VIL1: variants seen among roughly 807,000 people sequenced by gnomAD.
VIL1 encodes the protein villin 1.
VIL1 carries 86 observed loss-of-function variants against 104.0 expected under a neutral mutation model. The observed-to-expected ratio is 0.83, with a 90% CI of 0.69 to 0.99. The LOEUF (loss-of-function observed/expected upper bound fraction) is 0.99, where lower values mean the gene tolerates loss of function less well. Among genes scored for constraint, VIL1 ranks in the 50% least tolerant of loss-of-function variants. The pLI is 0.00. For synonymous variants in VIL1, 394 were observed against 412.6 expected, an observed-to-expected ratio of 0.95 and a Z score of 0.55; for missense variants, 944 against 1,054.1, an observed-to-expected ratio of 0.90 and a Z score of 1.45.
At chr2:218,447,267 C>T (rs537931096) in intron 19 of VIL1, among the ~76,000 whole-genome samples, 8 of 152,318 alleles carry the variant, frequency 5.3e-5, no homozygotes, top group African/African-American at 1.7e-4. Context: ...GAGACTTCTC[C>T]TGAGGGTGAC....
chr2:218,426,871 G>A (rs1375662934), intron 4 of VIL1, among the ~76,000 whole-genome samples: 2 of 152,134 alleles, frequency 1.3e-5, no homozygotes, highest in Admixed American at 6.5e-5. Flanking sequence ...CAAAGTGCTG[G>A]GATTACAGGC....
chr2:218,436,513 C>T lies in VIL1; in HGVS notation c.1858C>T (p.Arg620Trp), dbSNP rs138942151. The change falls in exon 16 of 20, where the codon CGG becomes TGG. Residue 620 changes from arginine to tryptophan, a missense_variant. Physicochemically the swap from Arg to Trp is moderately radical, Grantham distance 101. Coordinates refer to ENST00000248444, the MANE Select transcript of VIL1 (RefSeq NM_007127.3). ...LQEENLVITPRLFECSNKTGR... is the reference protein window; with the variant it reads ...LQEENLVITPWLFECSNKTGR... The stretch of plus-strand genomic sequence containing the variant: ...GGAAGAAAACCTGGTCATCACCCCC[C>T]GGCTCTTTGAGTGTTCCAACAAGAC... The T allele has an allele frequency of 2.8e-5, 45 of 1,613,950 alleles. No individual in the cohort carries two copies. The highest frequency in any genetic ancestry group is 4.5e-5 in the East Asian group (2 of 44,894).
At position 218,437,185 on chromosome 2, in the gene VIL1, C is replaced by A. The variant is rs1218421305; in HGVS notation, c.2033C>A (p.Ala678Glu). The part of the protein sequence containing the change: ...EEEKKAAATT[A>E]QEYLKTHPSG... ...GAGAAGAAGGCCGCAGCAACCACTG[C>A]ACAGGAATACCTCAAGACCCATCCC... is the stretch of plus-strand genomic sequence containing the variant. The change falls in exon 17 of 20, where the codon GCA (alanine) becomes GAA (glutamate). Residue 678 changes from alanine (A) to glutamate (E), a missense_variant. By Grantham distance (107) the Ala-to-Glu change is moderately radical. Coordinates refer to ENST00000248444, the MANE Select transcript of VIL1 (RefSeq NM_007127.3). The A allele has an allele frequency of 6.2e-7, 1 of 1,614,188 alleles. No homozygotes were observed. Among genetic ancestry groups the A allele is most frequent in the East Asian group, 2.2e-5 (1 of 44,882 alleles).
chr2:218,426,517 G>T (rs900743950), intron 4 of VIL1, among the ~76,000 whole-genome samples: 5 of 152,154 alleles, frequency 3.3e-5, no homozygotes, highest in Non-Finnish European at 7.3e-5. Flanking sequence ...CTCCCAAGGT[G>T]CTGGGATTAT....
At chr2:218,444,259 C>CTATAATA (rs1243242866) in intron 19 of VIL1, among the ~76,000 whole-genome samples, 2 of 152,064 alleles carry the variant, frequency 1.3e-5, no homozygotes, top group Non-Finnish European at 2.9e-5. Context: ...CATGAGCCAC[C>CTATAATA]ACACCTGGAC....
At chr2:218,437,423 G>T (rs993283517) in intron 17 of VIL1, 111 bp downstream of exon 17, 2 of 1,361,292 alleles carry the variant, frequency 1.5e-6, no homozygotes, top group East Asian at 5.0e-5. Context: ...ATTTAGAAAG[G>T]GGCTAGAGGA....
intron 18 of VIL1, among the ~76,000 whole-genome samples, chr2:218,439,969 G>A (rs962561402): frequency 6.6e-6 from 1 of 152,160 alleles, no homozygotes; most frequent in Non-Finnish European, 1.5e-5. Flanking sequence ...TCTGAGGAAT[G>A]TGTCCAGAAT....
Position 218,438,700 on chromosome 2 carries a change from T to G in VIL1, c.2203T>G (p.Ser735Ala). The change falls in exon 18 of 20, where the codon TCT becomes GCT. Residue 735 changes from serine (S) to alanine (A), a missense_variant. Physicochemically the swap from Ser to Ala is moderately conservative, Grantham distance 99. Transcript: ENST00000248444. ...YEDLKAELGN[S>A]RDWSQITAEV... Reference sequence around the variant, plus strand: ...GGACCTGAAGGCGGAGCTTGGCAACTCTAGGGACTGGAGCCAGATCACTGC... The same window carrying G: ...GGACCTGAAGGCGGAGCTTGGCAACGCTAGGGACTGGAGCCAGATCACTGC... 1 of 1,612,618 alleles carries G rather than the reference T, an allele frequency of 6.2e-7. No individual in the cohort carries two copies. The highest frequency in any genetic ancestry group is 8.5e-7 in the Non-Finnish European group (1 of 1,179,722).
At chr2:218,427,393 G>A (rs1034444935) in intron 4 of VIL1, among the ~76,000 whole-genome samples, 5 of 150,468 alleles carry the variant, frequency 3.3e-5, no homozygotes, top group South Asian at 4.2e-4. Context: ...GTGCGATCTC[G>A]GCTCACTGCA....
chr2:218,430,714 T>C lies in VIL1; in HGVS notation c.949-11T>C, dbSNP rs1360094177. ...AGGTGCATAGCTTCCAGCCACCCCT[T>C]TCTCTTCCAGAACTTCATCAAAGCC... is the stretch of plus-strand genomic sequence containing the variant. On this transcript the variant is annotated splice_polypyrimidine_tract_variant and intron_variant, in intron 9 of 19. Transcript: ENST00000248444. The C allele has an allele frequency of 6.4e-7, 1 of 1,569,852 alleles. No individual in the cohort carries two copies. Among genetic ancestry groups the C allele is most frequent in the Non-Finnish European group, 8.7e-7 (1 of 1,155,858 alleles).
chr2:218,432,101 A>ACTTCTAT lies in VIL1; in HGVS notation c.1260_1266dup (p.Gly423LeufsTer35), dbSNP rs761208535. On this transcript the variant is annotated frameshift_variant, in exon 12 of 20. Transcript: ENST00000248444. LOFTEE classifies it high-confidence loss of function. ...CCTGTGGATTCCAAGTGGCTAGGCC[A>ACTTCTAT]CTTCTATGGGGGCGACTGCTACCTG... 4 of 1,614,000 alleles carry ACTTCTAT rather than the reference A, an allele frequency of 2.5e-6. No individual in the cohort carries two copies. The highest frequency in any genetic ancestry group is 3.4e-6 in the Non-Finnish European group (4 of 1,179,974).
chr2:218,425,524 G>A, intron 3 of VIL1, 91 bp from the exon 4 acceptor site: 2 of 1,391,086 alleles, frequency 1.4e-6, no homozygotes, highest in East Asian at 2.3e-5. Context: ...CTCCCCCATA[G>A]TCCTGGACGG....
chr2:218,431,148 A>C (rs1689089727), intron 10 of VIL1: 2 of 554,036 alleles, frequency 3.6e-6, no homozygotes, highest in South Asian at 5.0e-5. Flanking sequence ...CAGGAGTTTG[A>C]GATTAGCCTA....
Position 218,450,265 on chromosome 2 carries a change from G to C in VIL1, c.*929G>C, listed in dbSNP as rs1376657597. 2 of 152,146 alleles carry C rather than the reference G, an allele frequency of 1.3e-5. No individual in the cohort carries two copies. Among genetic ancestry groups the C allele is most frequent in the African/African-American group, 2.4e-5 (1 of 41,380 alleles). 9.4% of individuals were successfully genotyped at this position (152,146 alleles called of 1,614,324 possible). On this transcript the variant is annotated 3_prime_UTR_variant, in exon 20 of 20. Transcript: ENST00000248444. ...GTCAAATCAAAGAAGGTTAATAAAG[G>C]CTTTAATTTCATACACACAAAAAAA...
intron 13 of VIL1, 26 bp from the exon 14 acceptor site, chr2:218,434,500 T>A: frequency 1.3e-6 from 2 of 1,594,180 alleles, no homozygotes; most frequent in South Asian, 1.1e-5. Context: ...TGACTCTCTC[T>A]CCCTGTCTTC....
intron 19 of VIL1, among the ~76,000 whole-genome samples, chr2:218,447,373 A>G (rs1023689145): frequency 6.6e-6 from 1 of 152,146 alleles, no homozygotes; most frequent in African/African-American, 2.4e-5. Context: ...GCTGGAGTAC[A>G]ATGGCACTAT....
At position 218,432,338 on chromosome 2, in the gene VIL1, G is replaced by A. The variant is rs115234039; in HGVS notation, c.1341+155G>A. On this transcript the variant is annotated intron_variant, in intron 12 of 19. Coordinates refer to ENST00000248444, the MANE Select transcript of VIL1 (RefSeq NM_007127.3). ...CTGCTTTGGCTATGAGGTCCCGCTAGTACCCCCATTCACAGCCCTTTTCCT... is the reference window on the plus strand; with the variant it reads ...CTGCTTTGGCTATGAGGTCCCGCTAATACCCCCATTCACAGCCCTTTTCCT... Among the ~76,000 whole-genome samples the A allele has an allele frequency of 6.5e-3, 989 of 152,250 alleles. 11 individuals carry two copies. The highest frequency in any genetic ancestry group is 0.023 in the African/African-American group (942 of 41,536).
chr2:218,439,353 T>C (rs1689245399), intron 18 of VIL1, among the ~76,000 whole-genome samples: 1 of 152,156 alleles, frequency 6.6e-6, no homozygotes, highest in Admixed American at 6.5e-5. Flanking sequence ...AGACTTAGAA[T>C]TGGCACCTAG....
chr2:218,437,859 T>G (rs922439397), intron 17 of VIL1, among the ~76,000 whole-genome samples: 1 of 152,056 alleles, frequency 6.6e-6, no homozygotes, highest in African/African-American at 2.4e-5. Context: ...TGGCCCCACA[T>G]AGAAGCAAGG....
Sources: allele counts gnomAD v4.1 joint callset (sites outside exome capture counted in the v4.1 genomes callset), GRCh38; gene constraint gnomAD v4.1.1; transcripts MANE v1.5; gene names NCBI Gene and HGNC (gene_info 2026-07-23, HGNC 2026-07-21).